The following TUBGCP5 variants were observed in gnomAD, a reference collection of about 807,000 sequenced individuals.
The protein encoded by TUBGCP5 is gamma-tubulin complex component 5.
TUBGCP5 carries 98 observed loss-of-function variants against 134.7 expected under a neutral mutation model. The observed-to-expected ratio is 0.73, with a 90% confidence interval of 0.62 to 0.86. TUBGCP5 has a LOEUF of 0.86. Among genes scored for constraint, TUBGCP5 ranks in the 40% least tolerant of loss-of-function variants. The pLI, the probability that TUBGCP5 is intolerant of heterozygous loss-of-function variation, is 0.00. For missense variants in TUBGCP5, 1,150 were observed against 1,244.8 expected (o/e 0.92, Z 1.15); for synonymous variants, 456 against 431.4 (o/e 1.06, Z -0.71).
At chr15:23,023,313 G>C (rs76288833) in intron 10 of TUBGCP5, 1 of 149,702 alleles carries the variant, frequency 6.7e-6, no homozygotes, top group East Asian at 2.0e-4. Context: ...CTAGGTAACA[G>C]AGCGAGACTC....
intron 23 of TUBGCP5, among the ~76,000 whole-genome samples, chr15:22,989,999 T>G (rs1345611573): frequency 6.6e-6 from 1 of 152,172 alleles, no homozygotes; most frequent in African/African-American, 2.4e-5. Context: ...GGGGCTTCCC[T>G]GTCACCAGGA....
chr15:23,004,346 A>G (rs1413172358), intron 19 of TUBGCP5, 119 bp from the exon 20 acceptor site: 2 of 1,188,836 alleles, frequency 1.7e-6, no homozygotes, highest in Non-Finnish European at 2.4e-6. Flanking sequence ...CAATAAGCAC[A>G]TCTAGACAGT....
intron 23 of TUBGCP5, among the ~76,000 whole-genome samples, chr15:22,993,108 CTT>C (rs1013574877): frequency 3.9e-5 from 6 of 152,084 alleles, no homozygotes; most frequent in Non-Finnish European, 7.4e-5. Flanking sequence ...ATTGGAAACT[CTT>C]TATTTTTGAG....
intron 15 of TUBGCP5, among the ~76,000 whole-genome samples, chr15:23,009,620 T>C (rs1259204509): frequency 6.7e-6 from 1 of 150,150 alleles, no homozygotes; most frequent in Non-Finnish European, 1.5e-5. Context: ...GGTATGTATA[T>C]GCCATATTTA....
chr15:23,023,295 A>G lies in TUBGCP5; in HGVS notation c.1168+652T>C, dbSNP rs1472661843. On this transcript the variant is annotated intron_variant, in intron 10 of 22. Transcript: ENST00000615383. The stretch of plus-strand genomic sequence containing the variant: ...CAGTAAGCAGAGATTGAGCCACTGC[A>G]CTCCAGCCTAGGTAACAGAGCGAGA... 2.0e-5 allele frequency: 3 copies of G among 151,338 alleles called. No individual in the cohort carries two copies. The East Asian group carries it at 5.8e-4, about 29-fold the overall frequency. The allele number at this position is 151,338 out of a possible 1,614,324, so 9.4% of individuals were successfully genotyped here.
chr15:22,989,995 TC>T (rs1199758074), intron 23 of TUBGCP5, among the ~76,000 whole-genome samples: 1 of 152,184 alleles, frequency 6.6e-6, no homozygotes, highest in African/African-American at 2.4e-5. Flanking sequence ...CCCTGGGGCT[TC>T]CCTGTCACCA....
chr15:22,983,066 A>C (rs2140325132), downstream of TUBGCP5: 1 of 152,334 alleles, frequency 6.6e-6, no homozygotes, highest in African/African-American at 2.4e-5. Context: ...TAGGACAGGC[A>C]GACACAAAAA....
downstream of TUBGCP5, among the ~76,000 whole-genome samples, chr15:22,997,642 A>T (rs879518161): frequency 5.9e-5 from 9 of 151,388 alleles, no homozygotes; most frequent in Non-Finnish European, 1.0e-4. Context: ...TCTGAGACAG[A>T]GTCTCGCTCT....
intron 4 of TUBGCP5, 37 bp from the exon 5 acceptor site, chr15:23,032,066 T>A (rs113632549): frequency 6.6e-7 from 1 of 1,510,768 alleles, no homozygotes; most frequent in Non-Finnish European, 9.1e-7. Context: ...GGCTTTATTA[T>A]ATCTATCTTT....
intron 23 of TUBGCP5, among the ~76,000 whole-genome samples, chr15:22,986,146 A>T (rs866591479): frequency 9.1e-5 from 13 of 142,238 alleles, no homozygotes; most frequent in South Asian, 4.3e-4. Flanking sequence ...AAAAAAAAAA[A>T]AAATAATAAT....
chr15:23,003,860 C>T (rs1305973940), intron 20 of TUBGCP5, among the ~76,000 whole-genome samples: 1 of 151,934 alleles, frequency 6.6e-6, no homozygotes, highest in Non-Finnish European at 1.5e-5. Flanking sequence ...GCTATGTTGC[C>T]CAGGGTGGTC....
intron 3 of TUBGCP5, among the ~76,000 whole-genome samples, chr15:23,036,173 CT>C (rs1296058054): frequency 1.3e-5 from 2 of 152,184 alleles, no homozygotes; most frequent in Non-Finnish European, 2.9e-5. Flanking sequence ...GACTCAGCAG[CT>C]AAGGTCAGCC....
intron 23 of TUBGCP5, among the ~76,000 whole-genome samples, chr15:22,989,475 CCT>C (rs35789485): frequency 0.43 from 65,844 of 151,760 alleles, 14,581 homozygotes; most frequent in East Asian, 0.6. Context: ...CAACCCACCC[CCT>C]GTTAACTTGG....
rs2065172490 is a variant in TUBGCP5 at position 23,013,816 on chromosome 15, T to C, written c.1757-2485A>G. ...GCCAAGCTGTTGCAGCATGGCACCA[T>C]CTTCAGACCAGAGCCACCTCTGGAG... is the stretch of plus-strand genomic sequence containing the variant. On this transcript the variant is annotated intron_variant, in intron 13 of 22. Coordinates refer to ENST00000615383, the MANE Select transcript of TUBGCP5 (RefSeq NM_052903.6). This position sits in a 1 kb window ranked among gnomAD's most constrained non-coding sequence, Gnocchi z 4.5. Among the ~76,000 whole-genome samples, 1 of 152,094 alleles carries C rather than the reference T, an allele frequency of 6.6e-6. No individual in the cohort carries two copies. Among genetic ancestry groups the C allele is most frequent in the South Asian group, 2.1e-4 (1 of 4,824 alleles).
At chr15:22,993,630 C>T (rs796610528) in intron 23 of TUBGCP5, among the ~76,000 whole-genome samples, 24 of 149,710 alleles carry the variant, frequency 1.6e-4, no homozygotes, top group African/African-American at 4.7e-4. Flanking sequence ...CTGCAACCTC[C>T]GCCTCCTGGG....
Position 23,009,933 on chromosome 15 carries a change from T to C in TUBGCP5, c.2144+12A>G. 1.9e-6 allele frequency: 3 copies of C among 1,604,474 alleles called. No individual in the cohort carries two copies. The highest frequency in any genetic ancestry group is 2.6e-6 in the Non-Finnish European group (3 of 1,174,918). On this transcript the variant is annotated intron_variant, in intron 15 of 22. Transcript: ENST00000615383. ...ACTATTTACTACTTCCAAAATTAAA[T>C]TACTCTTTTACCTGTAATCTTTTTT...
chr15:22,998,896 G>C (rs146838835), downstream of TUBGCP5, among the ~76,000 whole-genome samples: 947 of 152,096 alleles, frequency 6.2e-3, 11 homozygotes, highest in African/African-American at 0.021. Flanking sequence ...GGATTACAGG[G>C]GTGAGCCACC....
chr15:22,989,530 C>T (rs2063786378), intron 23 of TUBGCP5, among the ~76,000 whole-genome samples: 1 of 152,140 alleles, frequency 6.6e-6, no homozygotes, highest in South Asian at 2.1e-4. Flanking sequence ...CTTGGTCTGT[C>T]TTTTTAAATT....
chr15:23,020,167 G>A (rs2065587720), intron 11 of TUBGCP5, among the ~76,000 whole-genome samples: 1 of 151,922 alleles, frequency 6.6e-6, no homozygotes, highest in Non-Finnish European at 1.5e-5. Context: ...CCAGCACTTT[G>A]GAAGGCCGAG....
Sources: gnomAD v4.1 joint callset for allele counts (sites outside exome capture counted in the v4.1 genomes callset) on GRCh38, gnomAD v4.1.1 for gene constraint, Gnocchi (gnomAD v3.1) non-coding constraint, MANE v1.5 for transcripts, NCBI Gene and HGNC (gene_info 2026-07-23, HGNC 2026-07-21) for gene names.